The following ACSBG2 variants were observed in gnomAD, a reference collection of about 807,000 sequenced individuals.
ACSBG2 encodes long-chain-fatty-acid--CoA ligase ACSBG2.
Under a neutral mutation model 74.7 loss-of-function variants are expected in ACSBG2, and 62 were observed. The observed-to-expected ratio is 0.83, with a 90% CI of 0.68 to 1.03. ACSBG2 has a LOEUF of 1.03. Among genes scored for constraint, ACSBG2 ranks in the 50% least tolerant of loss-of-function variants. The pLI, the probability that ACSBG2 is intolerant of heterozygous loss-of-function variation, is 0.00. For missense variants in ACSBG2, 730 were observed against 817.6 expected (o/e 0.89, Z 1.31); for synonymous variants, 309 against 294.1 (o/e 1.05, Z -0.52).
chr19:6,151,898 T>C, intron 4 of ACSBG2, 103 bp downstream of exon 4: 1 of 1,055,024 alleles, frequency 9.5e-7, no homozygotes, highest in Non-Finnish European at 1.4e-6. Flanking sequence ...GAATTTTGGA[T>C]GAACGCCCTA....
At chr19:6,136,523 C>G (rs146046646) in intron 1 of ACSBG2, among the ~76,000 whole-genome samples, 3,374 of 151,796 alleles carry the variant, frequency 0.022, 134 homozygotes, top group African/African-American at 0.078. Flanking sequence ...CCACCATGCC[C>G]AGCTAATTTT....
chr19:6,159,343 G>C (rs889974602), intron 5 of ACSBG2, among the ~76,000 whole-genome samples: 6 of 152,170 alleles, frequency 3.9e-5, no homozygotes, highest in African/African-American at 1.4e-4. Context: ...ACTATGGGGT[G>C]GGTGCTGGTG....
At chr19:6,187,571 G>A (rs754374063) in intron 12 of ACSBG2, 28 bp from the exon 13 acceptor site, 2 of 1,613,350 alleles carry the variant, frequency 1.2e-6, no homozygotes, top group Non-Finnish European at 1.7e-6. Context: ...CAAGGAGCAT[G>A]GGTGGTGACA....
At chr19:6,153,962 G>GA (rs538726647) in intron 4 of ACSBG2, among the ~76,000 whole-genome samples, 1 of 151,020 alleles carries the variant, frequency 6.6e-6, no homozygotes, top group Admixed American at 6.6e-5. Flanking sequence ...AAAAGAGAGA[G>GA]AAAAAAATTG....
chr19:6,187,171 A>C, intron 11 of ACSBG2, 112 bp from the exon 12 acceptor site: 3 of 1,454,646 alleles, frequency 2.1e-6, no homozygotes, highest in Non-Finnish European at 2.8e-6. Context: ...AACCTGGCTA[A>C]TTTTTGTATA....
At chr19:6,172,493 G>C (rs1398523935) in intron 7 of ACSBG2, among the ~76,000 whole-genome samples, 1 of 151,382 alleles carries the variant, frequency 6.6e-6, no homozygotes, top group East Asian at 1.9e-4. Flanking sequence ...CTTCTGTGCA[G>C]TGGCTAAGGT....
At chr19:6,139,165 A>G (rs2335631) in intron 1 of ACSBG2, among the ~76,000 whole-genome samples, 102,731 of 151,276 alleles carry the variant, frequency 0.68, 35,149 homozygotes, top group African/African-American at 0.74. Context: ...TTGGCTCACT[A>G]CAACCTTCAC....
intron 8 of ACSBG2, 104 bp from the exon 9 acceptor site, chr19:6,182,647 G>C (rs2090291382): frequency 1.8e-6 from 2 of 1,132,270 alleles, no homozygotes; most frequent in Non-Finnish European, 2.5e-6. Flanking sequence ...AATCTGATCA[G>C]TGAAGGAATG....
rs567715519 is a variant in ACSBG2 at position 6,163,994 on chromosome 19, A to C, written c.589-1872A>C. Among the ~76,000 whole-genome samples the C allele has an allele frequency of 2.0e-5, 3 of 152,268 alleles. 1 individual carries two copies. In the South Asian group the frequency reaches 6.2e-4, roughly 32 times the overall value. ...AAAAGATTTAGTTTAGGACCCAGAA[A>C]TGAGCAAAAACGAATGAGACTGAGA... On this transcript the variant is annotated intron_variant, in intron 6 of 14. Coordinates refer to ENST00000588485, the MANE Select transcript of ACSBG2 (RefSeq NM_030924.5).
chr19:6,184,874 G>GAAAAAAAAAAAAA (rs1305163415), intron 10 of ACSBG2, among the ~76,000 whole-genome samples: 25 of 49,210 alleles, frequency 5.1e-4, no homozygotes, highest in South Asian at 1.6e-3. Context: ...AAAAAAAAAC[G>GAAAAAAAAAAAAA]AAAAACAGCC....
chr19:6,136,412 G>T (rs1265934506), intron 1 of ACSBG2, among the ~76,000 whole-genome samples: 2 of 151,358 alleles, frequency 1.3e-5, no homozygotes, highest in African/African-American at 4.9e-5. Flanking sequence ...ATTTTTAGTA[G>T]AGATGGGGTT....
chr19:6,177,077 C>T (rs1197051096), intron 7 of ACSBG2, 152 bp from the exon 8 acceptor site: 1 of 761,624 alleles, frequency 1.3e-6, no homozygotes, highest in Non-Finnish European at 2.0e-6. Context: ...GGGAAGATTC[C>T]TTGAACCCAG....
At chr19:6,183,786 C>A (rs1324496578) in intron 10 of ACSBG2, among the ~76,000 whole-genome samples, 1 of 152,168 alleles carries the variant, frequency 6.6e-6, no homozygotes, top group Non-Finnish European at 1.5e-5. Flanking sequence ...AAAATCTTTT[C>A]ATACATGTGT....
intron 11 of ACSBG2, among the ~76,000 whole-genome samples, chr19:6,186,963 G>T (rs1411452736): frequency 2.0e-5 from 3 of 150,966 alleles, no homozygotes; most frequent in African/African-American, 7.3e-5. Flanking sequence ...TCCCAAAGTG[G>T]CAGGATTACA....
chr19:6,177,824 T>C (rs909426185), intron 8 of ACSBG2, among the ~76,000 whole-genome samples: 2 of 151,794 alleles, frequency 1.3e-5, no homozygotes, highest in South Asian at 2.1e-4. Context: ...GTTATGTAGA[T>C]TGAACACTGA....
At chr19:6,185,681 CT>C in intron 11 of ACSBG2, 28 bp downstream of exon 11, 8 of 1,612,076 alleles carry the variant, frequency 5.0e-6, no homozygotes, top group Non-Finnish European at 6.8e-6. Context: ...CTTTGGGAAT[CT>C]CCTGCAAGCA....
chr19:6,191,381 G>C (rs1302016770), intron 14 of ACSBG2: 1 of 152,112 alleles, frequency 6.6e-6, no homozygotes, highest in Non-Finnish European at 1.5e-5. Context: ...TAGTTTGCTG[G>C]GGCTACATTA....
rs1296073680 is a variant in ACSBG2 at position 6,184,631 on chromosome 19, A to C, written c.1323-805A>C. Among the ~76,000 whole-genome samples the C allele has an allele frequency of 2.7e-5, 4 of 150,612 alleles. No individual in the cohort carries two copies. In the East Asian group the frequency reaches 7.8e-4, roughly 29 times the overall value. ...ATCTCTAGGAAAAAAAAAAAAAAAGACAAAGAACCCAGATTTCAAATAGTG... is the reference window on the plus strand; with the variant it reads ...ATCTCTAGGAAAAAAAAAAAAAAAGCCAAAGAACCCAGATTTCAAATAGTG... On this transcript the variant is annotated intron_variant, in intron 10 of 14. Coordinates refer to ENST00000588485, the MANE Select transcript of ACSBG2 (RefSeq NM_030924.5).
At position 6,187,820 on chromosome 19, in the gene ACSBG2, C is replaced by A. The variant is rs556102371; in HGVS notation, c.1902C>A (p.Asp634Glu). 55 of 1,614,184 alleles carry A rather than the reference C, an allele frequency of 3.4e-5. No individual in the cohort carries two copies. In the African/African-American group the frequency reaches 7.1e-4, roughly 21 times the overall value. ...RIEKWVILEK[D>E]FSIYGGELGP... is the part of the protein sequence containing the mutation. ...AAAAGTGGGTCATCTTGGAGAAGGA[C>A]TTTTCCATCTATGGTGGAGAGCTAG... The change falls in exon 13 of 15, where the codon GAC (aspartate) becomes GAA (glutamate). Residue 634 changes from aspartate to glutamate, a missense_variant. Transcript: ENST00000588485.
Sources: gnomAD v4.1 joint callset for allele counts (sites outside exome capture counted in the v4.1 genomes callset) on GRCh38, gnomAD v4.1.1 for gene constraint, MANE v1.5 for transcripts, NCBI Gene and HGNC (gene_info 2026-07-23, HGNC 2026-07-21) for gene names.